DOCK5: variants seen among roughly 807,000 people sequenced by gnomAD.
The protein encoded by DOCK5 is dedicator of cytokinesis 5, also known as dedicator of cytokinesis protein 5.
In DOCK5, 142 loss-of-function variants were observed where a neutral mutation model predicts 251.8. The observed-to-expected ratio is 0.56, with a 90% CI of 0.49 to 0.65. DOCK5 has a LOEUF of 0.65. DOCK5 is among the 30% of genes least tolerant of loss of function. The probability of loss-of-function intolerance (pLI) is 0.00; values close to 1 mark genes in which losing one functional copy is unlikely to be tolerated. For missense variants in DOCK5, 2,111 were observed against 2,312.3 expected, an observed-to-expected ratio of 0.91 and a Z score of 1.79; for synonymous variants, 842 against 835.5, an observed-to-expected ratio of 1.01 and a Z score of -0.13.
At chr8:25,249,605 C>T (rs914173755) in intron 2 of DOCK5, among the ~76,000 whole-genome samples, 1 of 152,200 alleles carries the variant, frequency 6.6e-6, no homozygotes, top group Non-Finnish European at 1.5e-5. Flanking sequence ...TCATCTCTCT[C>T]GCCCTCTCTC....
rs372579641 is a variant in DOCK5, at chr8:25,345,621, G to A, written c.2754+10G>A. Reference sequence around the variant, plus strand: ...GGACAGGAAGGATGTGGTGAGTTGAGTCATCACTGATGCTGCACAGAGTTC... The same window carrying A: ...GGACAGGAAGGATGTGGTGAGTTGAATCATCACTGATGCTGCACAGAGTTC... On this transcript the variant is annotated intron_variant, in intron 26 of 51. Coordinates refer to ENST00000276440, the MANE Select transcript of DOCK5 (RefSeq NM_024940.8). The A allele has an allele frequency of 3.8e-5, 62 of 1,613,460 alleles. No individual in the cohort carries two copies. The highest frequency in any genetic ancestry group is 3.4e-4 in the South Asian group (31 of 91,072).
rs1343857376 is a variant in DOCK5 at position 25,372,812 on chromosome 8, G to A, written c.3684+94G>A. The A allele has an allele frequency of 2.4e-6, 3 of 1,253,156 alleles. No individual in the cohort carries two copies. The South Asian group carries it at 4.9e-5, about 20-fold the overall frequency. 77.6% of individuals were successfully genotyped at this position (1,253,156 alleles called of 1,614,324 possible). On this transcript the variant is annotated intron_variant, in intron 35 of 51. Coordinates refer to ENST00000276440, the MANE Select transcript of DOCK5 (RefSeq NM_024940.8). ...CTAGGTAGATCCCACAAACACAGAG[G>A]CGCCCTGAGGCACCTTTGTGGAGCC...
chr8:25,263,328 A>G (rs1192823550), intron 2 of DOCK5, among the ~76,000 whole-genome samples: 3 of 151,816 alleles, frequency 2.0e-5, no homozygotes, highest in African/African-American at 7.3e-5. Flanking sequence ...AGGTAATTCA[A>G]CAGAGCTAGG....
At position 25,334,335 on chromosome 8, in the gene DOCK5, C is replaced by G. The variant is rs566613388; in HGVS notation, c.2192+139C>G. 79 of 692,384 alleles carry G rather than the reference C, an allele frequency of 1.1e-4. No individual in the cohort carries two copies. In the East Asian group the frequency reaches 2.1e-3, roughly 18 times the overall value. The allele number at this position is 692,384 out of a possible 1,614,324, so 42.9% of individuals were successfully genotyped here. A position where few individuals can be genotyped will look rare whatever the true frequency, so the allele number is the denominator to read the frequency against. On this transcript the variant is annotated intron_variant, in intron 21 of 51. Transcript: ENST00000276440. ...AGGCAGAACTCTTATTCTAAGCTTC[C>G]GGGTGGAAAAAGGGAACCATCTAAG...
chr8:25,359,129 G>A (rs1782302216), intron 28 of DOCK5, 68 bp downstream of exon 28: 1 of 1,393,492 alleles, frequency 7.2e-7, no homozygotes, highest in Non-Finnish European at 1.0e-6. Flanking sequence ...AATGACTGAA[G>A]CTGAGCATCG....
intron 2 of DOCK5, among the ~76,000 whole-genome samples, chr8:25,258,697 G>T (rs1172958493): frequency 6.6e-6 from 1 of 152,278 alleles, no homozygotes; most frequent in African/African-American, 2.4e-5. Context: ...CCTTACAGCA[G>T]TCTATTCTAT....
intron 11 of DOCK5, among the ~76,000 whole-genome samples, chr8:25,306,939 A>AT (rs1804957695): frequency 6.6e-6 from 1 of 152,154 alleles, no homozygotes; most frequent in Non-Finnish European, 1.5e-5. Context: ...GGTATAGCCT[A>AT]TTGCTCCTAG....
chr8:25,266,715 G>A (rs1339277744), intron 2 of DOCK5, among the ~76,000 whole-genome samples: 1 of 151,744 alleles, frequency 6.6e-6, no homozygotes. Flanking sequence ...TCCAGAGATA[G>A]ATCTGTTCTC....
intron 5 of DOCK5, among the ~76,000 whole-genome samples, chr8:25,289,294 T>G (rs901139964): frequency 1.3e-5 from 2 of 151,486 alleles, no homozygotes; most frequent in African/African-American, 4.8e-5. Flanking sequence ...GCATTGTTTT[T>G]TGGGGGGTTT....
Position 25,314,675 on chromosome 8 carries a change from CATGTATCT to C in DOCK5, c.1319-2329_1319-2322del, listed in dbSNP as rs1805192187. 1.4e-4 allele frequency among the ~76,000 whole-genome samples: 7 copies of C among 50,424 alleles called. No individual in the cohort carries two copies. In the Admixed American group the frequency reaches 1.5e-3, roughly 11 times the overall value. 33.1% of individuals were successfully genotyped at this position (50,424 alleles called of 152,430 possible). On this transcript the variant is annotated intron_variant, in intron 13 of 51. Coordinates refer to ENST00000276440, the MANE Select transcript of DOCK5 (RefSeq NM_024940.8). The stretch of plus-strand genomic sequence containing the variant: ...TCCACCTATCCAACCTCTATCCATC[CATGTATCT>C]ATCCATCCATCCATCCATCCATCCA...
chr8:25,281,112 C>G (rs940220429), intron 5 of DOCK5, among the ~76,000 whole-genome samples: 2 of 151,870 alleles, frequency 1.3e-5, no homozygotes, highest in African/African-American at 4.8e-5. Flanking sequence ...GCCAGGTCTA[C>G]CATTGAATAG....
chr8:25,319,288 A>G (rs1805356349), intron 14 of DOCK5, among the ~76,000 whole-genome samples: 1 of 152,224 alleles, frequency 6.6e-6, no homozygotes, highest in Admixed American at 6.5e-5. Context: ...GAATCAGAGG[A>G]GAATGCATGC....
intron 15 of DOCK5, among the ~76,000 whole-genome samples, chr8:25,319,880 A>G (rs1805376154): frequency 6.6e-6 from 1 of 152,248 alleles, no homozygotes; most frequent in Non-Finnish European, 1.5e-5. Flanking sequence ...TGAGAATTTG[A>G]ATAGCAAAGC....
chr8:25,247,203 T>C (rs960045906), intron 2 of DOCK5, among the ~76,000 whole-genome samples: 1 of 152,214 alleles, frequency 6.6e-6, no homozygotes, highest in Non-Finnish European at 1.5e-5. Context: ...GTGATACCTT[T>C]AAAATATTTC....
intron 2 of DOCK5, among the ~76,000 whole-genome samples, chr8:25,254,131 TAGAGA>T (rs796622085): frequency 1.1e-4 from 17 of 152,162 alleles, no homozygotes; most frequent in African/African-American, 4.1e-4. Flanking sequence ...GGCAATACAA[TAGAGA>T]AAAGATATTC....
chr8:25,382,439 C>T (rs1023771188), intron 39 of DOCK5, among the ~76,000 whole-genome samples: 3 of 152,198 alleles, frequency 2.0e-5, no homozygotes, highest in Admixed American at 1.3e-4. Context: ...CCAACGTGCA[C>T]ACACTTCAGC....
At chr8:25,349,466 C>T (rs752789148) in intron 26 of DOCK5, among the ~76,000 whole-genome samples, 60 of 152,164 alleles carry the variant, frequency 3.9e-4, no homozygotes, top group Admixed American at 1.4e-3. Flanking sequence ...GATACATGCA[C>T]GTGCATGTTT....
chr8:25,372,798 C>A, intron 35 of DOCK5, 80 bp downstream of exon 35: 1 of 1,417,082 alleles, frequency 7.1e-7, no homozygotes, highest in Non-Finnish European at 9.4e-7. Context: ...TAGGTAGATC[C>A]CACAAACACA....
rs191768353 is a variant in DOCK5 at position 25,327,747 on chromosome 8, T to G, written c.1903+2200T>G. Among the ~76,000 whole-genome samples the G allele has an allele frequency of 2.6e-5, 4 of 152,208 alleles. No homozygotes were observed. The East Asian group carries it at 7.7e-4, about 29-fold the overall frequency. On this transcript the variant is annotated intron_variant, in intron 18 of 51. Coordinates refer to ENST00000276440, the MANE Select transcript of DOCK5 (RefSeq NM_024940.8). The stretch of plus-strand genomic sequence containing the variant: ...AATTAAAATTGGAGGGTGGGGAGAT[T>G]GGGGAGAAGTTGGACAAAAGGTACA...
Sources: gnomAD v4.1 joint callset for allele counts (sites outside exome capture counted in the v4.1 genomes callset) on GRCh38, gnomAD v4.1.1 for gene constraint, MANE v1.5 for transcripts, NCBI Gene and HGNC (gene_info 2026-07-23, HGNC 2026-07-21) for gene names.